Variants in GPSM1 observed in about 807,000 individuals in gnomAD.
GPSM1 encodes G protein signaling modulator 1.
In GPSM1, 48 loss-of-function variants were observed where a neutral mutation model predicts 70.5. The observed-to-expected ratio is 0.68, with a 90% CI of 0.54 to 0.87. The LOEUF (loss-of-function observed/expected upper bound fraction) is 0.87. GPSM1 is among the 40% of genes least tolerant of loss of function. GPSM1 has a pLI of 0.00. For missense variants in GPSM1, 981 were observed against 972.6 expected (o/e 1.01, Z -0.11); for synonymous variants, 416 against 430.1 (o/e 0.97, Z 0.41).
At chr9:136,354,831 A>C (rs1554772702) in intron 11 of GPSM1, 4 of 996,514 alleles carry the variant, frequency 4.0e-6, no homozygotes, top group African/African-American at 1.7e-5. Context: ...GGACACAGGG[A>C]GCTCATGGCA....
Position 136,353,154 on chromosome 9 carries a change from G to A in GPSM1, c.1456-2536G>A, listed in dbSNP as rs531195807. On this transcript the variant is annotated intron_variant, in intron 11 of 13. Coordinates refer to ENST00000440944, the MANE Select transcript of GPSM1 (RefSeq NM_001145638.3). ...CTGCTGTGGAGACAGCCTGTGATCC[G>A]CGTGAGTCTGGGGTCCCTGGGGTCC... The A allele has an allele frequency of 9.8e-4, 954 of 977,736 alleles. 23 individuals carry two copies. The South Asian group carries it at 0.034, about 35-fold the overall frequency. The allele number at this position is 977,736 out of a possible 1,614,324, so 60.6% of individuals were successfully genotyped here. A position where few individuals can be genotyped will look rare whatever the true frequency, so the allele number is the denominator to read the frequency against.
At chr9:136,332,309 G>C (rs530744305) in intron 1 of GPSM1, 12 of 397,558 alleles carry the variant, frequency 3.0e-5, no homozygotes, top group Non-Finnish European at 5.3e-5. Context: ...TCCCAGATTG[G>C]AGGTGCAGAA....
chr9:136,339,890 G>A (rs1233281659), intron 8 of GPSM1, 75 bp downstream of exon 8: 15 of 913,950 alleles, frequency 1.6e-5, no homozygotes, highest in East Asian at 5.3e-5. Flanking sequence ...CCTCTGCCCC[G>A]AGCGAGCGTG....
intron 13 of GPSM1, among the ~76,000 whole-genome samples, chr9:136,356,973 G>A (rs143640276): frequency 5.3e-5 from 8 of 152,310 alleles, no homozygotes; most frequent in Non-Finnish European, 8.8e-5. Context: ...GCTGCCAGCT[G>A]GCTGGTGGGA....
intron 3 of GPSM1, 35 bp downstream of exon 3, chr9:136,336,136 CCCTGCACCGG>C (rs1554769205): frequency 1.9e-6 from 3 of 1,600,080 alleles, no homozygotes; most frequent in Non-Finnish European, 2.5e-6. Flanking sequence ...TGTCTCCCAC[CCCTGCACCGG>C]CCTGCGTCCA....
chr9:136,350,265 G>C (rs1186925809), intron 11 of GPSM1, among the ~76,000 whole-genome samples: 1 of 152,242 alleles, frequency 6.6e-6, no homozygotes, highest in Non-Finnish European at 1.5e-5. Context: ...CCTTCCTGAG[G>C]TGGCTCTTGG....
In GPSM1 at chr9:136,355,710, T is replaced by G. The variant is rs1554772871; in HGVS notation, c.1476T>G (p.Ser492=). ...VPRTSIPRAP[S]SDEECFFDLL... The stretch of plus-strand genomic sequence containing the variant: ...CCCAGAGCATCCCGAGGGCCCCGTC[T>G]TCGGACGAGGAGTGCTTCTTTGACC... The change falls in exon 12 of 14, where the codon TCT becomes TCG. Residue 492 remains serine, a synonymous_variant. Coordinates refer to ENST00000440944, the MANE Select transcript of GPSM1 (RefSeq NM_001145638.3). 6.2e-7 allele frequency: 1 copy of G among 1,612,288 alleles called. No homozygotes were observed. The highest frequency in any genetic ancestry group is 8.5e-7 in the Non-Finnish European group (1 of 1,179,490).
chr9:136,357,782 G>T (rs782028478), intron 13 of GPSM1, among the ~76,000 whole-genome samples: 1 of 152,262 alleles, frequency 6.6e-6, no homozygotes, highest in African/African-American at 2.4e-5. Context: ...TCCTGGGCGG[G>T]CCTGCCCTGG....
rs1203807919 is a variant in GPSM1, at chr9:136,341,695, G to C, written c.1207+702G>C. On this transcript the variant is annotated intron_variant, in intron 9 of 13. Coordinates refer to ENST00000440944, the MANE Select transcript of GPSM1 (RefSeq NM_001145638.3). The surrounding 1 kb of genome is among the most constrained non-coding windows in gnomAD (Gnocchi z 6.7). Reference sequence around the variant, plus strand: ...TCTTGAGTTTGCCAGCCCCCGAGAAGGGATGCCTGCCTCCCAGAACGTACC... The same window carrying C: ...TCTTGAGTTTGCCAGCCCCCGAGAACGGATGCCTGCCTCCCAGAACGTACC... The C allele has an allele frequency of 2.0e-6, 2 of 992,636 alleles. No homozygotes were observed. Among genetic ancestry groups the C allele is most frequent in the African/African-American group, 1.7e-5 (1 of 57,264 alleles). 61.5% of individuals were successfully genotyped at this position (992,636 alleles called of 1,614,324 possible). A position where few individuals can be genotyped will look rare whatever the true frequency, so the allele number is the denominator to read the frequency against.
chr9:136,329,101 C>T (rs1420182138), intron 1 of GPSM1, among the ~76,000 whole-genome samples: 40 of 152,160 alleles, frequency 2.6e-4, no homozygotes, highest in Admixed American at 2.6e-3. Context: ...AGCTAGAAGC[C>T]TGGGGTCCCC....
At chr9:136,337,728 GCT>G in intron 5 of GPSM1, 116 bp from the exon 6 acceptor site, 1 of 998,010 alleles carries the variant, frequency 1.0e-6, no homozygotes, top group African/African-American at 1.6e-5. Flanking sequence ...GCTGCTAGCT[GCT>G]CACCCGGACA....
intron 13 of GPSM1, among the ~76,000 whole-genome samples, chr9:136,356,832 G>A (rs1025092192): frequency 5.3e-5 from 8 of 152,150 alleles, no homozygotes; most frequent in African/African-American, 1.4e-4. Context: ...GCAGGAACTC[G>A]GGGTGGGGGC....
rs868908083 is a variant in GPSM1, at chr9:136,352,140, A to C, written c.1455+2377A>C. On this transcript the variant is annotated intron_variant, in intron 11 of 13. Coordinates refer to ENST00000440944, the MANE Select transcript of GPSM1 (RefSeq NM_001145638.3). ...TGCGCCGTTGCTGTTGGTGACACCA[A>C]TGCTGCGCCGTTGCTGTTGGTGACA... Among the ~76,000 whole-genome samples, 354 of 135,566 alleles carry C rather than the reference A, an allele frequency of 2.6e-3. 43 individuals are homozygous for C. The highest frequency in any genetic ancestry group is 9.1e-3 in the African/African-American group (327 of 35,812). 88.9% of individuals were successfully genotyped at this position (135,566 alleles called of 152,430 possible).
Position 136,359,569 on chromosome 9 carries a change from G to C in GPSM1, c.*1349G>C, listed in dbSNP as rs973411603. 2.0e-5 allele frequency: 3 copies of C among 152,390 alleles called. No homozygotes were observed. Among genetic ancestry groups the C allele is most frequent in the Non-Finnish European group, 4.4e-5 (3 of 68,062 alleles). 9.4% of individuals were successfully genotyped at this position (152,390 alleles called of 1,614,324 possible). A position where few individuals can be genotyped will look rare whatever the true frequency, so the allele number is the denominator to read the frequency against. On this transcript the variant is annotated 3_prime_UTR_variant, in exon 14 of 14. Coordinates refer to ENST00000440944, the MANE Select transcript of GPSM1 (RefSeq NM_001145638.3). ...ACCCAAGAGGTACATTTGTTTTTCTGTTTTTCCTGAAAAATAAAGTCGGCC... is the reference window on the plus strand; with the variant it reads ...ACCCAAGAGGTACATTTGTTTTTCTCTTTTTCCTGAAAAATAAAGTCGGCC...
Position 136,349,637 on chromosome 9 carries a change from G to T in GPSM1, c.1329G>T (p.Arg443Ser). 1 of 1,550,080 alleles carries T rather than the reference G, an allele frequency of 6.5e-7. No individual in the cohort carries two copies. Among genetic ancestry groups the T allele is most frequent in the East Asian group, 2.4e-5 (1 of 40,938 alleles). ...HHSGDWRGPS[R>S]DSLPLPVRSR... ...CAGGGGACTGGCGGGGGCCCAGCAG[G>T]GACTCGCTACCCCTCCCCGTGAGGA... The change falls in exon 11 of 14, where the codon AGG (arginine) becomes AGT (serine). Residue 443 changes from arginine to serine, a missense_variant. Transcript: ENST00000440944.
At chr9:136,353,242 C>T (rs1364262433) in intron 11 of GPSM1, 19 of 297,364 alleles carry the variant, frequency 6.4e-5, no homozygotes, top group Admixed American at 5.8e-4. Context: ...GGTCTTGGGC[C>T]GGGTGCATTC....
chr9:136,358,078 C>T lies in GPSM1; in HGVS notation c.1886C>T (p.Pro629Leu). The T allele has an allele frequency of 1.9e-6, 3 of 1,612,736 alleles. No individual in the cohort carries two copies. The highest frequency in any genetic ancestry group is 1.7e-5 in the Admixed American group (1 of 60,008). ...PDVLPRGPTM[P>L]DEDFFSLIQR... The stretch of plus-strand genomic sequence containing the variant: ...GTACTGCCCCGGGGCCCTACCATGC[C>T]GGACGAGGACTTCTTCAGCCTCATT... The change falls in exon 14 of 14, where the codon CCG (proline) becomes CTG (leucine). Residue 629 changes from proline to leucine, a missense_variant. Physicochemically the swap from Pro to Leu is moderately conservative, Grantham distance 98 (BLOSUM62 -3). Transcript: ENST00000440944.
intron 2 of GPSM1, among the ~76,000 whole-genome samples, chr9:136,334,908 C>T (rs893243734): frequency 2.0e-5 from 3 of 152,128 alleles, no homozygotes; most frequent in South Asian, 2.1e-4. Context: ...GGCAGGTGGA[C>T]GCTTCCTGTC....
Position 136,340,133 on chromosome 9 carries a change from G to A in GPSM1, c.1083+318G>A, listed in dbSNP as rs1832350621. Among the ~76,000 whole-genome samples, 1 of 152,188 alleles carries A rather than the reference G, an allele frequency of 6.6e-6. No homozygotes were observed. The highest frequency in any genetic ancestry group is 1.5e-5 in the Non-Finnish European group (1 of 68,020). On this transcript the variant is annotated intron_variant, in intron 8 of 13. Transcript: ENST00000440944. The surrounding 1 kb of genome is among the most constrained non-coding windows in gnomAD (Gnocchi z 7.3). ...GGGCGGAACATCACAGATGAACTGT[G>A]GGCCTCCCGGCTCCCGGCCTGTCCT...
Sources: allele counts gnomAD v4.1 joint callset (sites outside exome capture counted in the v4.1 genomes callset), GRCh38; gene constraint gnomAD v4.1.1; non-coding constraint Gnocchi (gnomAD v3.1); transcripts MANE v1.5; gene names NCBI Gene and HGNC (gene_info 2026-07-23, HGNC 2026-07-21).